The following PIGN variants were observed in gnomAD, a reference collection of about 807,000 sequenced individuals.
PIGN encodes GPI ethanolamine phosphate transferase 1.
A neutral mutation model predicts 125.4 loss-of-function variants in PIGN; 117 were observed. That is an observed-to-expected ratio of 0.93 (90% confidence interval 0.80 to 1.09). The LOEUF (loss-of-function observed/expected upper bound fraction) is 1.09, where lower values mean the gene tolerates loss of function less well. PIGN is among the 50% of genes least tolerant of loss of function. The probability of loss-of-function intolerance (pLI) is 0.00; values close to 1 mark genes in which losing one functional copy is unlikely to be tolerated. For synonymous variants in PIGN, 392 were observed against 377.8 expected, an observed-to-expected ratio of 1.04 and a Z score of -0.44; for missense variants, 1,075 against 1,094.9, an observed-to-expected ratio of 0.98 and a Z score of 0.26.
At chr18:62,154,989 G>T (rs935462773) in intron 6 of PIGN, among the ~76,000 whole-genome samples, 7 of 152,008 alleles carry the variant, frequency 4.6e-5, no homozygotes, top group African/African-American at 1.2e-4. Flanking sequence ...TCCCTTTAAG[G>T]ATTAAACTAT....
chr18:62,147,179 C>CA, intron 8 of PIGN, 78 bp from the exon 9 acceptor site: 1 of 1,438,774 alleles, frequency 7.0e-7, no homozygotes, highest in Non-Finnish European at 9.3e-7. Flanking sequence ...TCATTACATT[C>CA]AAAATCAGTA....
At chr18:62,033,034 T>C (rs1599377069) in intron 23 of PIGN, among the ~76,000 whole-genome samples, 1 of 152,194 alleles carries the variant, frequency 6.6e-6, no homozygotes, top group Non-Finnish European at 1.5e-5. Flanking sequence ...TAACAAATGG[T>C]TGGGGACCAA....
chr18:62,112,621 G>C (rs17714851), intron 16 of PIGN: 25,723 of 152,306 alleles, frequency 0.17, 2,929 homozygotes, highest in Middle Eastern at 0.28. Flanking sequence ...AGAATACTTG[G>C]AGAGGTCTAG....
At chr18:62,017,920 GAACAAAACTGAGGT>G (rs2030001647) in intron 23 of PIGN, among the ~76,000 whole-genome samples, 1 of 152,112 alleles carries the variant, frequency 6.6e-6, no homozygotes, top group Non-Finnish European at 1.5e-5. Flanking sequence ...TTACCACCCT[GAACAAAACTGAGGT>G]TCCACTAGCA....
At chr18:62,179,173 C>A (rs2037630866) in intron 1 of PIGN, among the ~76,000 whole-genome samples, 2 of 152,188 alleles carry the variant, frequency 1.3e-5, no homozygotes, top group South Asian at 4.1e-4. Flanking sequence ...ATTAAGGGTA[C>A]TGTCAACATG....
downstream of PIGN, among the ~76,000 whole-genome samples, chr18:62,040,124 C>G (rs1446878286): frequency 3.7e-5 from 3 of 82,138 alleles, no homozygotes; most frequent in African/African-American, 9.8e-5. Flanking sequence ...GTGCCGCACC[C>G]CATGTTTAGG....
At chr18:62,063,967 T>C (rs1054869181) in intron 30 of PIGN, among the ~76,000 whole-genome samples, 1 of 149,844 alleles carries the variant, frequency 6.7e-6, no homozygotes, top group Non-Finnish European at 1.5e-5. Flanking sequence ...TTAGGAGATA[T>C]ACCTAATGTA....
chr18:62,088,228 A>G (rs2033798822), intron 25 of PIGN, among the ~76,000 whole-genome samples: 1 of 152,194 alleles, frequency 6.6e-6, no homozygotes, highest in African/African-American at 2.4e-5. Flanking sequence ...TCTTGCAGCT[A>G]GTCAGTCAGC....
intron 20 of PIGN, chr18:62,105,326 A>G: frequency 3.1e-6 from 1 of 321,756 alleles, no homozygotes; most frequent in Non-Finnish European, 5.8e-6. Flanking sequence ...TCAGTGGCAC[A>G]ATTTCATTAT....
chr18:62,050,911 C>T (rs1038690467), intron 30 of PIGN, among the ~76,000 whole-genome samples: 7 of 150,984 alleles, frequency 4.6e-5, no homozygotes, highest in East Asian at 1.9e-4. Context: ...TTAGCATGAA[C>T]GGTTGTTGAA....
chr18:62,017,845 G>C (rs558742801), intron 23 of PIGN: 1 of 151,442 alleles, frequency 6.6e-6, no homozygotes, highest in East Asian at 1.9e-4. Context: ...ACATCTTATC[G>C]GCCAGACTAC....
intron 22 of PIGN, among the ~76,000 whole-genome samples, chr18:62,098,940 A>C (rs2034324502): frequency 1.3e-5 from 2 of 152,114 alleles, no homozygotes; most frequent in Non-Finnish European, 2.9e-5. Flanking sequence ...ATAGAGAAAG[A>C]AGCATATAAA....
intron 30 of PIGN, among the ~76,000 whole-genome samples, chr18:62,049,181 A>G (rs1379641466): frequency 1.3e-5 from 2 of 152,090 alleles, no homozygotes; most frequent in Non-Finnish European, 2.9e-5. Flanking sequence ...ATGTGTCTTT[A>G]TAGCAGCATG....
At chr18:62,108,897 A>G (rs1208313961) in intron 17 of PIGN, among the ~76,000 whole-genome samples, 1 of 152,132 alleles carries the variant, frequency 6.6e-6, no homozygotes, top group Non-Finnish European at 1.5e-5. Context: ...CAACTCCGAA[A>G]TATTTTTAAT....
chr18:62,072,993 TA>T (rs971800871), intron 29 of PIGN, among the ~76,000 whole-genome samples: 2 of 151,816 alleles, frequency 1.3e-5, no homozygotes, highest in South Asian at 2.1e-4. Flanking sequence ...CCAACATCAA[TA>T]AAAAAAACTA....
intron 30 of PIGN, among the ~76,000 whole-genome samples, chr18:62,048,755 GGTTA>G (rs1370103404): frequency 6.7e-6 from 1 of 149,874 alleles, no homozygotes; most frequent in Non-Finnish European, 1.5e-5. Flanking sequence ...ACAATGTGCA[GGTTA>G]GTTACATATG....
intron 30 of PIGN, among the ~76,000 whole-genome samples, chr18:62,057,942 C>T (rs928224491): frequency 2.0e-5 from 3 of 152,214 alleles, no homozygotes; most frequent in Non-Finnish European, 4.4e-5. Context: ...CATAAACAGG[C>T]ACACTCTTCC....
intron 23 of PIGN, among the ~76,000 whole-genome samples, chr18:62,028,577 T>A (rs552939822): frequency 6.6e-6 from 1 of 152,232 alleles, no homozygotes; most frequent in Non-Finnish European, 1.5e-5. Context: ...CTTGTCTCCA[T>A]TATGATTCTA....
At chr18:62,026,320 T>C (rs1295878532) in intron 23 of PIGN, among the ~76,000 whole-genome samples, 14 of 151,972 alleles carry the variant, frequency 9.2e-5, no homozygotes, top group Admixed American at 8.5e-4. Context: ...AATCTGAAAG[T>C]TGGCAGAAAA....
Sources: allele counts gnomAD v4.1 joint callset (sites outside exome capture counted in the v4.1 genomes callset), GRCh38; gene constraint gnomAD v4.1.1; transcripts MANE v1.5; gene names NCBI Gene and HGNC (gene_info 2026-07-23, HGNC 2026-07-21).